Variants in PIP5K1B observed in about 807,000 individuals in gnomAD.
PIP5K1B encodes the protein phosphatidylinositol 4-phosphate 5-kinase type-1 beta.
Under a neutral mutation model 67.0 loss-of-function variants are expected in PIP5K1B, and 42 were observed. The ratio of observed to expected loss-of-function variants is 0.63; its 90% confidence interval spans 0.49 to 0.81. The LOEUF is 0.81. Ranked by LOEUF, PIP5K1B falls within the 30% of genes least tolerant of loss-of-function variation. The pLI, the probability that PIP5K1B is intolerant of heterozygous loss-of-function variation, is 0.00. For missense variants in PIP5K1B, 459 were observed against 646.3 expected (o/e 0.71, Z 3.14); for synonymous variants, 214 against 231.4 (o/e 0.92, Z 0.68).
intron 4 of PIP5K1B, among the ~76,000 whole-genome samples, chr9:68,826,525 C>T (rs1475810379): frequency 2.0e-5 from 3 of 152,162 alleles, no homozygotes; most frequent in Non-Finnish European, 2.9e-5. Context: ...AGTTTGCCTG[C>T]AGGCCCTATC....
At chr9:68,729,967 A>G (rs1189678845) in intron 1 of PIP5K1B, among the ~76,000 whole-genome samples, 1 of 152,172 alleles carries the variant, frequency 6.6e-6, no homozygotes, top group Non-Finnish European at 1.5e-5. Flanking sequence ...CATTCATTAT[A>G]GTCATGAAAG....
intron 4 of PIP5K1B, among the ~76,000 whole-genome samples, chr9:68,848,128 G>A (rs560829516): frequency 6.6e-6 from 1 of 152,118 alleles, no homozygotes; most frequent in African/African-American, 2.4e-5. Flanking sequence ...AAGTAATTTT[G>A]TACAAGGCTT....
intron 14 of PIP5K1B, among the ~76,000 whole-genome samples, chr9:68,981,022 A>G (rs188551244): frequency 2.4e-4 from 36 of 152,178 alleles, no homozygotes; most frequent in African/African-American, 8.2e-4. Flanking sequence ...TATAAACTCT[A>G]TGTGTCAATT....
chr9:68,718,644 G>C (rs1197791458), intron 1 of PIP5K1B, among the ~76,000 whole-genome samples: 3 of 152,132 alleles, frequency 2.0e-5, no homozygotes, highest in Non-Finnish European at 2.9e-5. Flanking sequence ...GCCAAGTTTT[G>C]TATAGAAAAT....
intron 14 of PIP5K1B, among the ~76,000 whole-genome samples, chr9:68,958,999 A>G (rs976949502): frequency 8.5e-5 from 13 of 152,240 alleles, no homozygotes; most frequent in African/African-American, 3.1e-4. Context: ...ATTGACGTGT[A>G]GGAAAGAAAG....
chr9:68,857,068 A>C (rs1205956139), intron 4 of PIP5K1B, among the ~76,000 whole-genome samples: 2 of 152,170 alleles, frequency 1.3e-5, no homozygotes, highest in Non-Finnish European at 2.9e-5. Context: ...GAGATTTAAC[A>C]ATTCTGCTGG....
chr9:68,918,012 T>C (rs1826185190), intron 9 of PIP5K1B, among the ~76,000 whole-genome samples: 1 of 152,144 alleles, frequency 6.6e-6, no homozygotes, highest in South Asian at 2.1e-4. Context: ...TTGTCCCCAT[T>C]AACTACATAT....
chr9:68,935,675 C>G (rs969767253), intron 13 of PIP5K1B, among the ~76,000 whole-genome samples: 2 of 152,164 alleles, frequency 1.3e-5, no homozygotes, highest in Admixed American at 6.5e-5. Flanking sequence ...TACATGTACA[C>G]ATACACATAT....
intron 2 of PIP5K1B, among the ~76,000 whole-genome samples, chr9:68,806,340 T>C (rs1284229454): frequency 6.6e-6 from 1 of 152,218 alleles, no homozygotes; most frequent in African/African-American, 2.4e-5. Flanking sequence ...GTGTTTTTGT[T>C]GTAAACATCT....
intron 8 of PIP5K1B, among the ~76,000 whole-genome samples, chr9:68,905,598 G>T (rs944782988): frequency 6.6e-6 from 1 of 152,126 alleles, no homozygotes; most frequent in Non-Finnish European, 1.5e-5. Context: ...TTAAAAAATG[G>T]TTCAGAAATG....
At chr9:68,765,461 C>T (rs1430523795) in intron 2 of PIP5K1B, among the ~76,000 whole-genome samples, 1 of 151,896 alleles carries the variant, frequency 6.6e-6, no homozygotes, top group Non-Finnish European at 1.5e-5. Context: ...AGAAAATGGT[C>T]GTTCTCTTGT....
At chr9:68,863,739 A>G (rs534249228) in intron 4 of PIP5K1B, 98 bp from the exon 5 acceptor site, 66 of 998,904 alleles carry the variant, frequency 6.6e-5, no homozygotes, top group African/African-American at 6.0e-4. Flanking sequence ...TTTTGGAGCA[A>G]GAAAGAGAAT....
intron 4 of PIP5K1B, among the ~76,000 whole-genome samples, chr9:68,852,233 A>T (rs1480030923): frequency 6.6e-6 from 1 of 152,178 alleles, no homozygotes; most frequent in Non-Finnish European, 1.5e-5. Context: ...GTAAAATTTT[A>T]AAAAAGAAAA....
rs772037762 is a variant in PIP5K1B, at chr9:68,719,469, T to C, written c.-243+13707T>C. On this transcript the variant is annotated intron_variant, in intron 1 of 15. Transcript: ENST00000265382. Reference sequence around the variant, plus strand: ...AGCTGAATACTGAAAAATTAACTTATTTTTAAGGAGTGATGTGAACCAGAC... The same window carrying C: ...AGCTGAATACTGAAAAATTAACTTACTTTTAAGGAGTGATGTGAACCAGAC... Among the ~76,000 whole-genome samples the C allele has an allele frequency of 2.0e-5, 3 of 152,348 alleles. 1 individual carries two copies. Among genetic ancestry groups the C allele is most frequent in the Admixed American group, 1.3e-4 (2 of 15,302 alleles).
chr9:68,725,972 A>G (rs976851391), intron 1 of PIP5K1B, among the ~76,000 whole-genome samples: 1 of 152,212 alleles, frequency 6.6e-6, no homozygotes, highest in Non-Finnish European at 1.5e-5. Context: ...GGTGCTGCCC[A>G]TTTAGATGTA....
At chr9:68,899,383 T>C (rs562675398) in intron 8 of PIP5K1B, among the ~76,000 whole-genome samples, 2 of 152,326 alleles carry the variant, frequency 1.3e-5, no homozygotes, top group Admixed American at 6.5e-5. Context: ...TATATCTACA[T>C]GCCTGGTTCT....
intron 1 of PIP5K1B, among the ~76,000 whole-genome samples, chr9:68,726,893 T>C (rs933865211): frequency 1.3e-5 from 2 of 152,178 alleles, no homozygotes; most frequent in Non-Finnish European, 2.9e-5. Flanking sequence ...CGGCTAATCA[T>C]GTTGAGCATC....
At chr9:68,907,479 A>T (rs897070558) in intron 8 of PIP5K1B, among the ~76,000 whole-genome samples, 7 of 152,162 alleles carry the variant, frequency 4.6e-5, no homozygotes, top group Middle Eastern at 3.4e-3. Context: ...TAAGACTCCA[A>T]ATGATTTTTT....
chr9:68,951,967 G>A lies in PIP5K1B; in HGVS notation c.1502+11177G>A, dbSNP rs1023024981. 3.3e-5 allele frequency among the ~76,000 whole-genome samples: 5 copies of A among 152,106 alleles called. No homozygotes were observed. In the East Asian group the frequency reaches 5.8e-4, roughly 18 times the overall value. Reference sequence around the variant, plus strand: ...CTAATAACTGCCCACTATAGAAGACGAAGATTTAGCTGTCTTTTCTCCACC... The same window carrying A: ...CTAATAACTGCCCACTATAGAAGACAAAGATTTAGCTGTCTTTTCTCCACC... On this transcript the variant is annotated intron_variant, in intron 14 of 15. Transcript: ENST00000265382.
Sources: allele counts gnomAD v4.1 joint callset (sites outside exome capture counted in the v4.1 genomes callset), GRCh38; gene constraint gnomAD v4.1.1; transcripts MANE v1.5; gene names NCBI Gene and HGNC (gene_info 2026-07-23, HGNC 2026-07-21).